The following NARS2 variants were observed in gnomAD, a reference collection of about 807,000 sequenced individuals.
NARS2 encodes asparaginyl-tRNA synthetase 2, mitochondrial.
In NARS2, 60 loss-of-function variants were observed where a neutral mutation model predicts 62.9. That is an observed-to-expected ratio of 0.95 (90% CI 0.77 to 1.18). NARS2 has a LOEUF of 1.18. Ranked by LOEUF, NARS2 falls within the 50% of genes most tolerant of loss-of-function variation. NARS2 has a pLI of 0.00. For missense variants in NARS2, 619 were observed against 576.4 expected (o/e 1.07, Z -0.76); for synonymous variants, 196 against 200.0 (o/e 0.98, Z 0.17).
At chr11:78,449,804 T>A (rs547765732) in intron 11 of NARS2, among the ~76,000 whole-genome samples, 2 of 152,160 alleles carry the variant, frequency 1.3e-5, no homozygotes, top group African/African-American at 4.8e-5. Context: ...ACCAAAAACA[T>A]TTCCAGACAT....
rs557059642 is a variant in NARS2, at chr11:78,463,323, G to C, written c.1164+2553C>G. Among the ~76,000 whole-genome samples the C allele has an allele frequency of 3.9e-5, 6 of 152,304 alleles. No individual in the cohort carries two copies. In the East Asian group the frequency reaches 1.2e-3, roughly 29 times the overall value. ...AATTTTCCCACCTTGGACTACCAAA[G>C]TGCTAGGATTACAAACGTGAGCCAC... On this transcript the variant is annotated intron_variant, in intron 11 of 13. Transcript: ENST00000281038.
At chr11:78,475,411 A>T (rs1213325156) in intron 9 of NARS2, among the ~76,000 whole-genome samples, 1 of 152,106 alleles carries the variant, frequency 6.6e-6, no homozygotes, top group Non-Finnish European at 1.5e-5. Context: ...TCAGTTCTGC[A>T]TATGTACCCA....
At chr11:78,467,993 A>C (rs1858693787) in intron 10 of NARS2, among the ~76,000 whole-genome samples, 1 of 150,930 alleles carries the variant, frequency 6.6e-6, no homozygotes, top group South Asian at 2.1e-4. Flanking sequence ...ACAGGTGTGA[A>C]CTACCACACC....
In NARS2 at chr11:78,528,843, C is replaced by T; in HGVS notation, c.688G>A (p.Gly230Arg). 1 of 1,601,564 alleles carries T rather than the reference C, an allele frequency of 6.2e-7. No individual in the cohort carries two copies. The highest frequency in any genetic ancestry group is 1.1e-5 in the South Asian group (1 of 90,734). ...AAAAGAGAAAGGAAAATTTCATACCCTGACATCACTTCTAGATGAAGTTGT... is the reference window on the plus strand; with the variant it reads ...AAAAGAGAAAGGAAAATTTCATACCTTGACATCACTTCTAGATGAAGTTGT... ...SGQLHLEVMS[G>R]AFTQVFTFGP... is the part of the protein sequence containing the mutation. The change falls in exon 6 of 14, where the codon GGA becomes AGA. Residue 230 changes from glycine (G) to arginine (R), a missense_variant and splice_region_variant. Physicochemically the swap from Gly to Arg is moderately radical, Grantham distance 125. Coordinates refer to ENST00000281038, the MANE Select transcript of NARS2 (RefSeq NM_024678.6).
chr11:78,499,916 T>C (rs1016097129), intron 6 of NARS2, among the ~76,000 whole-genome samples: 2 of 152,192 alleles, frequency 1.3e-5, no homozygotes, highest in African/African-American at 4.8e-5. Context: ...CTATATAATT[T>C]TGTCAACGGC....
At chr11:78,462,633 CTT>C (rs1391033615) in intron 11 of NARS2, among the ~76,000 whole-genome samples, 3 of 152,144 alleles carry the variant, frequency 2.0e-5, no homozygotes, top group Non-Finnish European at 4.4e-5. Context: ...ATCTACGTAG[CTT>C]TGGAAATGCA....
intron 5 of NARS2, among the ~76,000 whole-genome samples, chr11:78,555,813 G>A (rs566058497): frequency 8.7e-4 from 132 of 152,132 alleles, no homozygotes; most frequent in African/African-American, 2.5e-3. Context: ...TGATGTGGGC[G>A]TTTAGTGCTA....
In NARS2 at chr11:78,490,697, G is replaced by A. The variant is rs1016735362; in HGVS notation, c.822+2366C>T. Among the ~76,000 whole-genome samples the A allele has an allele frequency of 2.6e-5, 4 of 151,904 alleles. No homozygotes were observed. The East Asian group carries it at 5.8e-4, about 22-fold the overall frequency. On this transcript the variant is annotated intron_variant, in intron 7 of 13. Coordinates refer to ENST00000281038, the MANE Select transcript of NARS2 (RefSeq NM_024678.6). Reference sequence around the variant, plus strand: ...GCCTACAGACCCAGTTACTCAGGAGGCTGCAGTGAGCTGAGACTGCACCAC... The same window carrying A: ...GCCTACAGACCCAGTTACTCAGGAGACTGCAGTGAGCTGAGACTGCACCAC...
chr11:78,506,227 A>C (rs972475728), intron 6 of NARS2, among the ~76,000 whole-genome samples: 1 of 152,238 alleles, frequency 6.6e-6, no homozygotes, highest in Non-Finnish European at 1.5e-5. Flanking sequence ...ACCAACCGGC[A>C]TCCTCATCCA....
chr11:78,469,698 A>G (rs1271053771), intron 9 of NARS2, among the ~76,000 whole-genome samples: 1 of 152,208 alleles, frequency 6.6e-6, no homozygotes, highest in African/African-American at 2.4e-5. Context: ...ACACAATTCT[A>G]GGCACTGGAG....
At chr11:78,559,868 G>T (rs1475789304) in intron 4 of NARS2, among the ~76,000 whole-genome samples, 1 of 152,210 alleles carries the variant, frequency 6.6e-6, no homozygotes, top group Non-Finnish European at 1.5e-5. Flanking sequence ...AGATAAGGAA[G>T]TTAAGGCCCA....
chr11:78,510,215 TTA>T (rs1860667869), intron 6 of NARS2, among the ~76,000 whole-genome samples: 1 of 152,140 alleles, frequency 6.6e-6, no homozygotes, highest in Non-Finnish European at 1.5e-5. Flanking sequence ...AATGACCCAA[TTA>T]TATGCTGTCT....
chr11:78,452,523 T>C (rs1207324208), intron 11 of NARS2, among the ~76,000 whole-genome samples: 1 of 151,916 alleles, frequency 6.6e-6, no homozygotes, highest in Non-Finnish European at 1.5e-5. Context: ...TCCTCCTAAC[T>C]CAGCCTCTCT....
intron 4 of NARS2, among the ~76,000 whole-genome samples, chr11:78,562,998 A>G (rs974517329): frequency 9.9e-5 from 15 of 152,086 alleles, no homozygotes; most frequent in African/African-American, 3.6e-4. Context: ...ATTACTTAAT[A>G]TGCCTTATAG....
intron 6 of NARS2, among the ~76,000 whole-genome samples, chr11:78,510,137 T>C (rs928301943): frequency 2.0e-5 from 3 of 152,162 alleles, no homozygotes; most frequent in Non-Finnish European, 4.4e-5. Context: ...TTACCAGTAA[T>C]TACTTTAAAT....
At chr11:78,551,401 A>G (rs1856105445) in intron 5 of NARS2, among the ~76,000 whole-genome samples, 1 of 152,216 alleles carries the variant, frequency 6.6e-6, no homozygotes. Context: ...ATATCTAAAT[A>G]TGGAATTGGT....
At chr11:78,556,497 G>C (rs1388832088) in intron 5 of NARS2, among the ~76,000 whole-genome samples, 2 of 152,186 alleles carry the variant, frequency 1.3e-5, no homozygotes, top group Non-Finnish European at 2.9e-5. Flanking sequence ...TCACCAAAGA[G>C]AACAATTTTA....
intron 6 of NARS2, among the ~76,000 whole-genome samples, chr11:78,517,262 T>C (rs1188239047): frequency 6.6e-6 from 1 of 152,218 alleles, no homozygotes; most frequent in Non-Finnish European, 1.5e-5. Flanking sequence ...GGAAGGTTGG[T>C]AGTACCATTT....
At chr11:78,512,251 T>C (rs1860747208) in intron 6 of NARS2, among the ~76,000 whole-genome samples, 1 of 152,228 alleles carries the variant, frequency 6.6e-6, no homozygotes, top group South Asian at 2.1e-4. Context: ...GTGAGAGTCC[T>C]GAAACCCAGC....
Sources: allele counts gnomAD v4.1 joint callset (sites outside exome capture counted in the v4.1 genomes callset), GRCh38; gene constraint gnomAD v4.1.1; transcripts MANE v1.5; gene names NCBI Gene and HGNC (gene_info 2026-07-23, HGNC 2026-07-21).